The following RHPN2 variants were observed in gnomAD, a reference collection of about 807,000 sequenced individuals.
RHPN2 encodes the protein rhophilin-2.
A neutral mutation model predicts 79.0 loss-of-function variants in RHPN2; 40 were observed. That is an observed-to-expected ratio of 0.51 (90% confidence interval 0.39 to 0.66). The LOEUF (loss-of-function observed/expected upper bound fraction) is 0.66, where lower values mean the gene tolerates loss of function less well. Among genes scored for constraint, RHPN2 ranks in the 30% least tolerant of loss-of-function variants. The pLI, the probability that RHPN2 is intolerant of heterozygous loss-of-function variation, is 0.00. For missense variants in RHPN2, 686 were observed against 883.5 expected (o/e 0.78, Z 2.83); for synonymous variants, 285 against 363.5 (o/e 0.78, Z 2.46).
At chr19:33,026,456 A>G in intron 3 of RHPN2, 48 bp downstream of exon 3, 1 of 1,599,792 alleles carries the variant, frequency 6.3e-7, no homozygotes. Flanking sequence ...GGATGTACGA[A>G]GGATCTCTGG....
Position 32,983,906 on chromosome 19 carries a change from C to T in RHPN2, c.1801-3650G>A, listed in dbSNP as rs567725936. On this transcript the variant is annotated intron_variant, in intron 14 of 14. Transcript: ENST00000254260. ...CCTCCCAAAGTGCTGGGATTACAGG[C>T]GTGAGCCACTGTGCCCAGCTCCATT... 7.9e-5 allele frequency among the ~76,000 whole-genome samples: 12 copies of T among 152,242 alleles called. No individual in the cohort carries two copies. In the South Asian group the frequency reaches 2.1e-3, roughly 26 times the overall value.
At chr19:32,995,400 G>A (rs1971692797) in intron 11 of RHPN2, among the ~76,000 whole-genome samples, 1 of 151,854 alleles carries the variant, frequency 6.6e-6, no homozygotes, top group Non-Finnish European at 1.5e-5. Flanking sequence ...TGTGGTATGA[G>A]GATTTCCCAG....
chr19:33,011,870 G>T (rs745851542), intron 5 of RHPN2, 67 bp from the exon 6 acceptor site: 123 of 1,608,784 alleles, frequency 7.6e-5, no homozygotes, highest in Non-Finnish European at 9.4e-5. Flanking sequence ...TTCCCAGAAG[G>T]TGCCCTGCAC....
intron 7 of RHPN2, 71 bp from the exon 8 acceptor site, chr19:33,003,071 A>T: frequency 2.1e-6 from 3 of 1,438,576 alleles, no homozygotes; most frequent in Non-Finnish European, 2.9e-6. Flanking sequence ...ATAGAGAAAG[A>T]TAGGAGGCCG....
At chr19:33,059,542 C>T (rs943532195) in intron 1 of RHPN2, among the ~76,000 whole-genome samples, 4 of 151,986 alleles carry the variant, frequency 2.6e-5, no homozygotes, top group East Asian at 1.9e-4. Context: ...TCAGGTGATC[C>T]GCCTGCCTCG....
intron 1 of RHPN2, 29 bp downstream of exon 1, chr19:33,064,755 T>TGGGGGGGG: frequency 3.5e-6 from 5 of 1,427,944 alleles, no homozygotes; most frequent in Admixed American, 2.0e-5. Context: ...AGCCCGCAGG[T>TGGGGGGGG]CCCCGCCCGC....
At chr19:32,995,911 G>T in intron 11 of RHPN2, 115 bp downstream of exon 11, 2 of 970,990 alleles carry the variant, frequency 2.1e-6, no homozygotes, top group Non-Finnish European at 3.3e-6. Context: ...CCTACCCTGT[G>T]CAGCTCTCCT....
intron 2 of RHPN2, among the ~76,000 whole-genome samples, chr19:33,031,029 C>T (rs191108449): frequency 2.4e-4 from 36 of 152,234 alleles, no homozygotes; most frequent in African/African-American, 7.9e-4. Flanking sequence ...AGGAAAGCAC[C>T]TGATGGACCA....
At chr19:32,989,003 A>G (rs1222629403) in intron 14 of RHPN2, among the ~76,000 whole-genome samples, 2 of 152,228 alleles carry the variant, frequency 1.3e-5, no homozygotes, top group Admixed American at 6.5e-5. Context: ...TGTTGAATGA[A>G]TAAATGAGTG....
intron 14 of RHPN2, among the ~76,000 whole-genome samples, chr19:32,988,212 C>CAACA (rs1555709781): frequency 4.0e-4 from 56 of 138,752 alleles, no homozygotes; most frequent in East Asian, 1.0e-3. Flanking sequence ...ACAACAACAA[C>CAACA]AAAAAAAAAA....
At chr19:32,986,268 G>A (rs187035886) in intron 14 of RHPN2, among the ~76,000 whole-genome samples, 3 of 152,180 alleles carry the variant, frequency 2.0e-5, no homozygotes, top group South Asian at 2.1e-4. Context: ...CCTCTCACAG[G>A]GGGCAGGGCA....
At chr19:33,058,679 C>G (rs188610869) in intron 1 of RHPN2, among the ~76,000 whole-genome samples, 9 of 152,272 alleles carry the variant, frequency 5.9e-5, no homozygotes, top group Non-Finnish European at 1.5e-5. Flanking sequence ...ACTCAGGAAG[C>G]TGAGACAGGA....
chr19:32,991,180 G>A (rs537647634), intron 13 of RHPN2, among the ~76,000 whole-genome samples: 6 of 152,052 alleles, frequency 3.9e-5, no homozygotes, highest in African/African-American at 1.4e-4. Flanking sequence ...AAATTAGGCC[G>A]GGCCAGGTGG....
At chr19:33,047,009 C>T (rs1342686262) in intron 1 of RHPN2, among the ~76,000 whole-genome samples, 4 of 152,118 alleles carry the variant, frequency 2.6e-5, no homozygotes, top group African/African-American at 4.8e-5. Flanking sequence ...AGGTGCATGC[C>T]ACCACGTCCG....
At chr19:33,025,254 C>T (rs1971956108) in intron 3 of RHPN2, among the ~76,000 whole-genome samples, 1 of 147,580 alleles carries the variant, frequency 6.8e-6, no homozygotes, top group African/African-American at 2.5e-5. Context: ...GGGCAGATTA[C>T]TTGAGACCAG....
intron 12 of RHPN2, among the ~76,000 whole-genome samples, chr19:32,993,053 G>C (rs1971673474): frequency 6.6e-6 from 1 of 152,132 alleles, no homozygotes; most frequent in Admixed American, 6.6e-5. Context: ...AGAAGGTTCA[G>C]GCTGCAGTGA....
intron 1 of RHPN2, among the ~76,000 whole-genome samples, chr19:33,061,919 C>T (rs1015118328): frequency 2.0e-5 from 3 of 152,122 alleles, no homozygotes; most frequent in South Asian, 2.1e-4. Flanking sequence ...CCGCCTGCCT[C>T]GGCCTCCCAA....
chr19:32,983,453 G>T (rs1971592786), intron 14 of RHPN2, among the ~76,000 whole-genome samples: 1 of 151,452 alleles, frequency 6.6e-6, no homozygotes, highest in African/African-American at 2.4e-5. Context: ...GGAGCTTGCA[G>T]TGAGCTGAGA....
At chr19:33,012,019 C>T (rs1971839154) in intron 5 of RHPN2, among the ~76,000 whole-genome samples, 2 of 151,178 alleles carry the variant, frequency 1.3e-5, no homozygotes, top group Admixed American at 6.7e-5. Flanking sequence ...CAGGGCTCTC[C>T]CCTTCTATGG....
Sources: allele counts gnomAD v4.1 joint callset (sites outside exome capture counted in the v4.1 genomes callset), GRCh38; gene constraint gnomAD v4.1.1; transcripts MANE v1.5; gene names NCBI Gene and HGNC (gene_info 2026-07-23, HGNC 2026-07-21).